HIVEP2: variants seen among roughly 807,000 people sequenced by gnomAD.
The protein encoded by HIVEP2 is transcription factor HIVEP2.
Under a neutral mutation model 180.7 loss-of-function variants are expected in HIVEP2, and 14 were observed. The ratio of observed to expected loss-of-function variants is 0.08; its 90% CI spans 0.05 to 0.12. The LOEUF (loss-of-function observed/expected upper bound fraction) is 0.12. Ranked by LOEUF, HIVEP2 falls within the 10% of genes least tolerant of loss-of-function variation. The pLI is 1.00. For synonymous variants in HIVEP2, 1,184 were observed against 1,136.4 expected (o/e 1.04, Z -0.84); for missense variants, 2,579 against 3,008.5 (o/e 0.86, Z 3.34).
chr6:142,829,490 A>G (rs762484630), intron 2 of HIVEP2, among the ~76,000 whole-genome samples: 4 of 152,150 alleles, frequency 2.6e-5, no homozygotes, highest in Non-Finnish European at 4.4e-5. Flanking sequence ...TTCACAAAAC[A>G]TTTTATTTAT....
chr6:142,886,765 C>A (rs1191511033), intron 1 of HIVEP2, among the ~76,000 whole-genome samples: 2 of 152,160 alleles, frequency 1.3e-5, no homozygotes, highest in Admixed American at 6.6e-5. Flanking sequence ...TGGCAAAAAA[C>A]CTGTTAACAA....
intron 2 of HIVEP2, among the ~76,000 whole-genome samples, chr6:142,818,695 GAAAGAAAGAAAGAAAGAAAGAAAGA>G (rs1277160146): frequency 9.8e-5 from 1 of 10,248 alleles, no homozygotes; most frequent in African/African-American, 6.3e-4. Context: ...AGAGAGACAA[GAAAGAAAGAAAGAAAGAAAGAAAGA>G]AAAGAAAGAA....
At chr6:142,876,459 G>A (rs149855250) in intron 1 of HIVEP2, among the ~76,000 whole-genome samples, 2 of 152,230 alleles carry the variant, frequency 1.3e-5, no homozygotes, top group East Asian at 1.9e-4. Flanking sequence ...AGCAGCGTAT[G>A]AGATCAATTC....
intron 6 of HIVEP2, among the ~76,000 whole-genome samples, chr6:142,765,413 C>G (rs1775356971): frequency 6.6e-6 from 1 of 152,172 alleles, no homozygotes; most frequent in South Asian, 2.1e-4. Context: ...AACATACAAC[C>G]CTCTAAATTT....
chr6:142,815,360 T>C lies in HIVEP2; in HGVS notation c.-528+21575A>G, dbSNP rs140487443. Among the ~76,000 whole-genome samples, 5 of 152,210 alleles carry C rather than the reference T, an allele frequency of 3.3e-5. No homozygotes were observed. The East Asian group carries it at 5.8e-4, about 18-fold the overall frequency. ...CAAGTAGCAGAGAAACCAGGGGCAA[T>C]TGGAGTCAAGAAATCCAAGGGAGTA... On this transcript the variant is annotated intron_variant, in intron 2 of 9. Coordinates refer to ENST00000367603, the MANE Select transcript of HIVEP2 (RefSeq NM_006734.4).
At position 142,884,926 on chromosome 6, in the gene HIVEP2, A is replaced by G. The variant is rs577122615; in HGVS notation, c.-640-47879T>C. Among the ~76,000 whole-genome samples the G allele has an allele frequency of 3.1e-4, 47 of 152,288 alleles. No individual in the cohort carries two copies. In the South Asian group the frequency reaches 9.1e-3, roughly 30 times the overall value. On this transcript the variant is annotated intron_variant, in intron 1 of 9. Coordinates refer to ENST00000367603, the MANE Select transcript of HIVEP2 (RefSeq NM_006734.4). ...CTGCTCTGCTCCTCAAAGCATGCTG[A>G]TAAGAGGTGCACGTTAACTTTCAAA...
At chr6:142,872,686 C>T (rs905089391) in intron 1 of HIVEP2, among the ~76,000 whole-genome samples, 2 of 152,156 alleles carry the variant, frequency 1.3e-5, no homozygotes, top group African/African-American at 2.4e-5. Context: ...TCCTGCCAAA[C>T]CAAAACTAAG....
Position 142,772,983 on chromosome 6 carries a change from G to C in HIVEP2, c.1756C>G (p.Pro586Ala), listed in dbSNP as rs746223902. The C allele has an allele frequency of 1.2e-6, 2 of 1,614,146 alleles. No homozygotes were observed. The highest frequency in any genetic ancestry group is 8.5e-7 in the Non-Finnish European group (1 of 1,180,018). ...VFYPGTVGIPPQRMLRRQAAF... is the reference protein window; with the variant it reads ...VFYPGTVGIPAQRMLRRQAAF... The stretch of plus-strand genomic sequence containing the variant: ...GCTTGTCTTCTTAGCATGCGCTGAG[G>C]GGGTATGCCCACGGTCCCTGGATAG... Residue 586 changes from proline to alanine, a missense_variant, in exon 5 of 10, where the codon CCT (proline) becomes GCT (alanine). Pro to Ala is a conservative substitution (Grantham distance 27). This residue lies in a region of HIVEP2 where 524 missense variants were observed against 563.6 expected (regional missense o/e 0.93). Coordinates refer to ENST00000367603, the MANE Select transcript of HIVEP2 (RefSeq NM_006734.4). The surrounding 1 kb of genome is among the most constrained non-coding windows in gnomAD (Gnocchi z 4.9).
chr6:142,880,893 C>T (rs1776561287), intron 1 of HIVEP2, among the ~76,000 whole-genome samples: 1 of 152,178 alleles, frequency 6.6e-6, no homozygotes. Context: ...GTTCTGGTCT[C>T]AGTTACTGGC....
In HIVEP2 at chr6:142,773,281, G is replaced by T. The variant is rs769799135; in HGVS notation, c.1458C>A (p.Asp486Glu). The change falls in exon 5 of 10, where the codon GAC (aspartate) becomes GAA (glutamate). Residue 486 changes from aspartate (D) to glutamate (E), a missense_variant. By Grantham distance (45) the Asp-to-Glu change is conservative (BLOSUM62 2). Transcript: ENST00000367603. ...SQLIPSKGDV[D>E]PSQTSMLKST... is the part of the protein sequence containing the mutation. ...ATTTCAGCATGCTCGTTTGACTGGG[G>T]TCGACATCTCCCTTGCTTGGGATCA... 48 of 1,614,066 alleles carry T rather than the reference G, an allele frequency of 3.0e-5. No homozygotes were observed. Among genetic ancestry groups the T allele is most frequent in the Non-Finnish European group, 3.7e-5 (44 of 1,180,042 alleles).
chr6:142,837,474 C>G (rs1775254436), intron 1 of HIVEP2, among the ~76,000 whole-genome samples: 1 of 152,050 alleles, frequency 6.6e-6, no homozygotes, highest in Admixed American at 6.6e-5. Context: ...GCCCTAGCTA[C>G]ATGCAATCTC....
Position 142,936,437 on chromosome 6 carries a change from A to C in HIVEP2, c.-641+8662T>G, listed in dbSNP as rs550176308. 7.9e-5 allele frequency among the ~76,000 whole-genome samples: 12 copies of C among 151,774 alleles called. No homozygotes were observed. In the South Asian group the frequency reaches 2.5e-3, roughly 32 times the overall value. On this transcript the variant is annotated intron_variant, in intron 1 of 9. Coordinates refer to ENST00000367603, the MANE Select transcript of HIVEP2 (RefSeq NM_006734.4). ...GAACTCCTGACCTTGTGATCCACCC[A>C]CCTCAGCGTCCCAAAATGCTGGGAT...
At chr6:142,850,039 C>T (rs1775610575) in intron 1 of HIVEP2, among the ~76,000 whole-genome samples, 1 of 152,122 alleles carries the variant, frequency 6.6e-6, no homozygotes, top group African/African-American at 2.4e-5. Flanking sequence ...AAAGATGTCA[C>T]TGAATTTCAA....
At chr6:142,807,805 G>T (rs1392723581) in intron 2 of HIVEP2, among the ~76,000 whole-genome samples, 2 of 152,168 alleles carry the variant, frequency 1.3e-5, no homozygotes, top group Middle Eastern at 3.2e-3. Flanking sequence ...CTGGCAGAAA[G>T]CTGCCATAAA....
intron 2 of HIVEP2, among the ~76,000 whole-genome samples, chr6:142,832,875 T>C (rs115754956): frequency 0.011 from 1,658 of 152,308 alleles, 19 homozygotes; most frequent in Middle Eastern, 0.037. Context: ...GTCTGGAAAA[T>C]TTACAGTCCA....
At position 142,760,582 on chromosome 6, in the gene HIVEP2, T is replaced by C. The variant is rs1476481743; in HGVS notation, c.5706A>G (p.Glu1902=). The change falls in exon 9 of 10, where the codon GAA becomes GAG. Residue 1902 remains glutamate (E), a synonymous_variant. Coordinates refer to ENST00000367603, the MANE Select transcript of HIVEP2 (RefSeq NM_006734.4). ...TATCATCTCCATCCTCACCATCTGA[T>C]TCCTCAGCATCGGAGAACTGATGAT... ...STDHQFSDAE[E]SDGEDGDDND... is the part of the protein sequence containing the mutation. The C allele has an allele frequency of 6.2e-7, 1 of 1,613,312 alleles. No individual in the cohort carries two copies. Among genetic ancestry groups the C allele is most frequent in the Admixed American group, 1.7e-5 (1 of 59,992 alleles).
chr6:142,793,656 C>CTTTCTTTT lies in HIVEP2; in HGVS notation c.-527-10042_-527-10041insAAAAGAAA, dbSNP rs1269273663. Among the ~76,000 whole-genome samples, 297 of 77,342 alleles carry CTTTCTTTT rather than the reference C, an allele frequency of 3.8e-3. 2 individuals carry two copies. The highest frequency in any genetic ancestry group is 0.01 in the African/African-American group (234 of 22,692). 50.7% of individuals were successfully genotyped at this position (77,342 alleles called of 152,430 possible). ...TCTTTCTTTCTTTCTTTCTTTCTTT[C>CTTTCTTTT]TTTTTTCTTTCTTTCTTTCTCTCTC... On this transcript the variant is annotated intron_variant, in intron 2 of 9. Transcript: ENST00000367603.
intron 1 of HIVEP2, among the ~76,000 whole-genome samples, chr6:142,856,619 A>G (rs1229830231): frequency 6.6e-6 from 1 of 152,262 alleles, no homozygotes; most frequent in Non-Finnish European, 1.5e-5. Flanking sequence ...TACTTATTAA[A>G]GAGATAACTG....
intron 1 of HIVEP2, among the ~76,000 whole-genome samples, chr6:142,886,719 A>C (rs138007568): frequency 6.6e-6 from 1 of 152,328 alleles, no homozygotes; most frequent in Admixed American, 6.5e-5. Flanking sequence ...AATTTATCTC[A>C]GTGCTTAATG....
Sources: allele counts gnomAD v4.1 joint callset (sites outside exome capture counted in the v4.1 genomes callset), GRCh38; gene constraint gnomAD v4.1.1; regional missense constraint gnomAD v4.1.1; non-coding constraint Gnocchi (gnomAD v3.1); transcripts MANE v1.5; gene names NCBI Gene and HGNC (gene_info 2026-07-23, HGNC 2026-07-21).